The following MASTL variants were observed in gnomAD, a reference collection of about 807,000 sequenced individuals.
MASTL encodes serine/threonine-protein kinase greatwall.
Under a neutral mutation model 82.5 loss-of-function variants are expected in MASTL, and 54 were observed. That is an observed-to-expected ratio of 0.65 (90% CI 0.53 to 0.82). MASTL has a LOEUF of 0.82. Ranked by LOEUF, MASTL falls within the 40% of genes least tolerant of loss-of-function variation. The pLI is 0.00. For missense variants in MASTL, 950 were observed against 1,047.8 expected, an observed-to-expected ratio of 0.91 and a Z score of 1.29; for synonymous variants, 323 against 368.9, an observed-to-expected ratio of 0.88 and a Z score of 1.43.
chr10:27,181,016 C>T lies in MASTL; in HGVS notation c.2330C>T (p.Pro777Leu). 6.2e-7 allele frequency: 1 copy of T among 1,613,464 alleles called. No individual in the cohort carries two copies. Among genetic ancestry groups the T allele is most frequent in the African/African-American group, 1.3e-5 (1 of 75,032 alleles). The change falls in exon 10 of 12, where the codon CCT becomes CTT. Residue 777 changes from proline to leucine, a missense_variant. Coordinates refer to ENST00000375940, the MANE Select transcript of MASTL (RefSeq NM_001172303.3). ...TTTGAATTTCTAACAGGAATTCCCC[C>T]TTTCAATGATGAAACACCACAACAA... Reference protein sequence around the residue: ...CLFEFLTGIPPFNDETPQQVF... With the variant: ...CLFEFLTGIPLFNDETPQQVF...
chr10:27,159,816 T>C lies in MASTL; in HGVS notation c.464+58T>C. ...AAATTCAAGTAATCAAATTACATAT[T>C]TGAGTCTCAGATATTCACAGTAACC... On this transcript the variant is annotated intron_variant, in intron 3 of 11. Coordinates refer to ENST00000375940, the MANE Select transcript of MASTL (RefSeq NM_001172303.3). The surrounding 1 kb of genome is among the most constrained non-coding windows in gnomAD (Gnocchi z 4.0). 1 of 1,452,892 alleles carries C rather than the reference T, an allele frequency of 6.9e-7. No individual in the cohort carries two copies. The highest frequency in any genetic ancestry group is 9.6e-7 in the Non-Finnish European group (1 of 1,038,524). The allele number at this position is 1,452,892 out of a possible 1,614,324, so 90.0% of individuals were successfully genotyped here. A position where few individuals can be genotyped will look rare whatever the true frequency, so the allele number is the denominator to read the frequency against.
At chr10:27,171,520 C>T (rs1026310452) in intron 8 of MASTL, among the ~76,000 whole-genome samples, 1 of 151,372 alleles carries the variant, frequency 6.6e-6, no homozygotes, top group African/African-American at 2.4e-5. Flanking sequence ...GCACACTTCA[C>T]CCCCAGGTTC....
chr10:27,161,163 A>G lies in MASTL; in HGVS notation c.534A>G (p.Ser178=), dbSNP rs749438587. Residue 178 remains serine (S), a synonymous_variant, in exon 4 of 12, where the codon TCA becomes TCG. Transcript: ENST00000375940. Reference sequence around the variant, plus strand: ...TTAAACTGACGGATTTTGGCCTTTCAAAAGTTACTTTGAATAGAGGTAAGA... The same window carrying G: ...TTAAACTGACGGATTTTGGCCTTTCGAAAGTTACTTTGAATAGAGGTAAGA... The part of the protein sequence containing the change: ...GHIKLTDFGL[S]KVTLNRDINM... 13 of 1,598,856 alleles carry G rather than the reference A, an allele frequency of 8.1e-6. No individual in the cohort carries two copies. The Admixed American group carries it at 2.2e-4, about 27-fold the overall frequency.
chr10:27,175,836 G>A (rs1277450796), intron 9 of MASTL, among the ~76,000 whole-genome samples: 1 of 151,976 alleles, frequency 6.6e-6, no homozygotes, highest in African/African-American at 2.4e-5. Flanking sequence ...GTGGCACATG[G>A]CTGTAATCCC....
chr10:27,180,816 G>T, intron 9 of MASTL, 137 bp from the exon 10 acceptor site: 1 of 705,602 alleles, frequency 1.4e-6, no homozygotes. Context: ...CAGCTTATCT[G>T]CTTTTTCTTT....
chr10:27,159,511 G>A lies in MASTL; in HGVS notation c.325-108G>A, dbSNP rs770067442. ...TTACGAGTAATAGCAAGAAAAGGTC[G>A]TTTCATTACAGAGCCATGCCAAATA... On this transcript the variant is annotated intron_variant, in intron 2 of 11. Transcript: ENST00000375940. This position sits in a 1 kb window ranked among gnomAD's most constrained non-coding sequence, Gnocchi z 4.0. The A allele has an allele frequency of 2.1e-5, 15 of 730,078 alleles. No homozygotes were observed. Among genetic ancestry groups the A allele is most frequent in the South Asian group, 6.7e-5 (4 of 59,968 alleles). 45.2% of individuals were successfully genotyped at this position (730,078 alleles called of 1,614,324 possible).
intron 9 of MASTL, among the ~76,000 whole-genome samples, chr10:27,180,320 G>A (rs979098374): frequency 3.9e-5 from 6 of 152,260 alleles, no homozygotes; most frequent in African/African-American, 9.6e-5. Context: ...TGCTTGTCCC[G>A]GAGAAGGCCG....
Position 27,171,028 on chromosome 10 carries a change from C to T in MASTL, c.2069C>T (p.Ser690Leu), listed in dbSNP as rs1195924844. 6.2e-7 allele frequency: 1 copy of T among 1,614,030 alleles called. No homozygotes were observed. Among genetic ancestry groups the T allele is most frequent in the African/African-American group, 1.3e-5 (1 of 75,032 alleles). The change falls in exon 8 of 12, where the codon TCA becomes TTA. Residue 690 changes from serine (S) to leucine (L), a missense_variant. Coordinates refer to ENST00000375940, the MANE Select transcript of MASTL (RefSeq NM_001172303.3). ...AMDISCAYSGSYPMAITPTQK... is the reference protein window; with the variant it reads ...AMDISCAYSGLYPMAITPTQK... Reference sequence around the variant, plus strand: ...GATATTTCGTGTGCCTACAGTGGTTCATATCCCATGGCTATAACCCCTACT... The same window carrying T: ...GATATTTCGTGTGCCTACAGTGGTTTATATCCCATGGCTATAACCCCTACT...
At chr10:27,155,234 C>A, upstream of MASTL, 1 of 616,926 alleles carries the variant, frequency 1.6e-6, no homozygotes, top group Non-Finnish European at 2.8e-6. Flanking sequence ...GAGTGTAAGG[C>A]TGCGAAGTCG....
intron 9 of MASTL, among the ~76,000 whole-genome samples, chr10:27,175,477 C>T (rs538408558): frequency 1.2e-4 from 18 of 152,228 alleles, no homozygotes; most frequent in Non-Finnish European, 2.5e-4. Context: ...CCATGGCGCC[C>T]GGCCTAACTG....
chr10:27,155,757 C>T (rs2057342972), intron 1 of MASTL, 145 bp downstream of exon 1: 6 of 898,718 alleles, frequency 6.7e-6, no homozygotes, highest in Non-Finnish European at 8.8e-6. Context: ...TGCGAGCTGA[C>T]TTCTTTTTGG....
chr10:27,170,626 CTGA>C lies in MASTL; in HGVS notation c.1675_1677del (p.Asp559del), dbSNP rs1218208804. 2 of 1,607,272 alleles carry C rather than the reference CTGA, an allele frequency of 1.2e-6. No individual in the cohort carries two copies. The highest frequency in any genetic ancestry group is 1.3e-5 in the African/African-American group (1 of 74,392). On this transcript the variant is annotated inframe_deletion, in exon 8 of 12. Transcript: ENST00000375940. ...TACTTAAGTTCTAGTTTTCTATGTT[CTGA>C]TGATGATAGAGCTTCTAAAAATATT...
In MASTL at chr10:27,155,434, C is replaced by T. The variant is rs2057324915; in HGVS notation, c.8C>T (p.Pro3Leu). The change falls in exon 1 of 12, where the codon CCC becomes CTC. Residue 3 changes from proline to leucine, a missense_variant. Coordinates refer to ENST00000375940, the MANE Select transcript of MASTL (RefSeq NM_001172303.3). ...GCTGTATGCTGTCCAGCGATGGATC[C>T]CACCGCGGGAAGCAAGAAGGAGCCT... MD[P>L]TAGSKKEPGG... is the part of the protein sequence containing the mutation. 6.2e-7 allele frequency: 1 copy of T among 1,609,842 alleles called. No individual in the cohort carries two copies. Among genetic ancestry groups the T allele is most frequent in the Non-Finnish European group, 8.5e-7 (1 of 1,178,604 alleles).
chr10:27,154,658 TC>T (rs2057295427), upstream of MASTL: 1 of 225,060 alleles, frequency 4.4e-6, no homozygotes, highest in Non-Finnish European at 8.6e-6. Flanking sequence ...CAACCTCTGC[TC>T]CCCGGGTTCA....
intron 6 of MASTL, 88 bp from the exon 7 acceptor site, chr10:27,167,014 A>T: frequency 1.0e-6 from 1 of 1,004,956 alleles, no homozygotes; most frequent in Non-Finnish European, 1.6e-6. Flanking sequence ...AATTCTTGAT[A>T]CTTTGCTTAA....
At position 27,187,214 on chromosome 10, in the gene MASTL, C is replaced by T. The variant is rs1414722589; in HGVS notation, c.*678C>T. 2.6e-5 allele frequency among the ~76,000 whole-genome samples: 4 copies of T among 152,226 alleles called. No homozygotes were observed. Among genetic ancestry groups the T allele is most frequent in the East Asian group, 3.9e-4 (2 of 5,178 alleles). ...ACTCTGGAGGCTGAGGCAGGAGAAT[C>T]GCTGGAACCCAGGAGGAGGAGGTTG... On this transcript the variant is annotated 3_prime_UTR_variant, in exon 12 of 12. Coordinates refer to ENST00000375940, the MANE Select transcript of MASTL (RefSeq NM_001172303.3).
chr10:27,158,472 A>C (rs1397751057), intron 1 of MASTL, 77 bp from the exon 2 acceptor site: 1 of 1,190,954 alleles, frequency 8.4e-7, no homozygotes, highest in Non-Finnish European at 1.2e-6. Context: ...ATGCCACTGC[A>C]CTCAGCCTGG....
chr10:27,157,151 T>A (rs948293564), intron 1 of MASTL, among the ~76,000 whole-genome samples: 6 of 152,140 alleles, frequency 3.9e-5, no homozygotes, highest in Admixed American at 1.3e-4. Flanking sequence ...TTTGTGCTCT[T>A]CTCCACCTGT....
In MASTL at chr10:27,170,149, TTTC is replaced by T. The variant is rs2057875904; in HGVS notation, c.1193_1195del (p.Ser398del). On this transcript the variant is annotated inframe_deletion, in exon 8 of 12. Coordinates refer to ENST00000375940, the MANE Select transcript of MASTL (RefSeq NM_001172303.3). ...GCTAAAAAATGCTTCTCTGGGGAAGTTTCTTGGGAAGCAGTAGAACTGGATGTA... is the reference window on the plus strand; with the variant it reads ...GCTAAAAAATGCTTCTCTGGGGAAGTTTGGGAAGCAGTAGAACTGGATGTA... 4 of 1,614,160 alleles carry T rather than the reference TTTC, an allele frequency of 2.5e-6. No homozygotes were observed. In the South Asian group the frequency reaches 4.4e-5, roughly 18 times the overall value.
Sources: gnomAD v4.1 joint callset for allele counts (sites outside exome capture counted in the v4.1 genomes callset) on GRCh38, gnomAD v4.1.1 for gene constraint, Gnocchi (gnomAD v3.1) non-coding constraint, MANE v1.5 for transcripts, NCBI Gene and HGNC (gene_info 2026-07-23, HGNC 2026-07-21) for gene names.